ATP13A2: variants seen among roughly 807,000 people sequenced by gnomAD.
The protein encoded by ATP13A2 is polyamine-transporting ATPase 13A2.
In ATP13A2, 83 loss-of-function variants were observed where a neutral mutation model predicts 138.3. That is an observed-to-expected ratio of 0.60 (90% CI 0.50 to 0.72). ATP13A2 has a LOEUF of 0.72. Among genes scored for constraint, ATP13A2 ranks in the 30% least tolerant of loss-of-function variants. The pLI is 0.00. For missense variants in ATP13A2, 1,402 were observed against 1,606.4 expected (o/e 0.87, Z 2.17); for synonymous variants, 663 against 699.0 (o/e 0.95, Z 0.81).
chr1:16,990,014 A>T lies in ATP13A2; in HGVS notation c.2413-11T>A. ...AGCCTGGTCAGGATCCTGGGGGCCC[A>T]GGAAGCTCAGCTTAGCTCCCCCTGC... On this transcript the variant is annotated splice_polypyrimidine_tract_variant and intron_variant, in intron 21 of 28. Coordinates refer to ENST00000326735, the MANE Select transcript of ATP13A2 (RefSeq NM_022089.4). 6.2e-7 allele frequency: 1 copy of T among 1,612,798 alleles called. No individual in the cohort carries two copies. The highest frequency in any genetic ancestry group is 8.5e-7 in the Non-Finnish European group (1 of 1,179,422).
At chr1:16,987,568 C>A (rs1269879782) in intron 25 of ATP13A2, among the ~76,000 whole-genome samples, 1 of 152,222 alleles carries the variant, frequency 6.6e-6, no homozygotes, top group Non-Finnish European at 1.5e-5. Flanking sequence ...CTCTGCCTTG[C>A]GGAGTCCCTA....
chr1:16,992,967 G>A (rs982026290), intron 16 of ATP13A2, among the ~76,000 whole-genome samples: 2 of 152,218 alleles, frequency 1.3e-5, no homozygotes, highest in African/African-American at 4.8e-5. Context: ...CTAGGCTGGA[G>A]TGCAGTGGTG....
intron 12 of ATP13A2, among the ~76,000 whole-genome samples, 160 bp downstream of exon 12, chr1:16,996,860 C>A (rs964820965): frequency 6.9e-6 from 1 of 145,214 alleles, no homozygotes; most frequent in Non-Finnish European, 1.5e-5. Flanking sequence ...TGGGAATGCT[C>A]AGACCCCAGA....
In ATP13A2 at chr1:16,986,643, G is replaced by A; in HGVS notation, c.3236-11C>T. ...CCACCAGGAAGGGCACTGGGAGCAG[G>A]AGAGTCTCTCAGGCAGGAGCCACGC... On this transcript the variant is annotated splice_polypyrimidine_tract_variant and intron_variant, in intron 27 of 28. Transcript: ENST00000326735. This position sits in a 1 kb window ranked among gnomAD's most constrained non-coding sequence, Gnocchi z 6.9. 2 of 1,603,846 alleles carry A rather than the reference G, an allele frequency of 1.2e-6. No homozygotes were observed. The highest frequency in any genetic ancestry group is 2.2e-5 in the South Asian group (2 of 90,580).
Position 16,995,141 on chromosome 1 carries a change from A to G in ATP13A2, c.1542+835T>C, listed in dbSNP as rs1478334479. 1.3e-5 allele frequency among the ~76,000 whole-genome samples: 2 copies of G among 152,154 alleles called. No individual in the cohort carries two copies. Among genetic ancestry groups the G allele is most frequent in the South Asian group, 2.1e-4 (1 of 4,830 alleles). On this transcript the variant is annotated intron_variant, in intron 15 of 28. Transcript: ENST00000326735. The surrounding 1 kb of genome is among the most constrained non-coding windows in gnomAD (Gnocchi z 4.1). ...CCCAGGCACACGGTACATCTGTGCTATGACACTCCCACCTTTTACCCTTGC... is the reference window on the plus strand; with the variant it reads ...CCCAGGCACACGGTACATCTGTGCTGTGACACTCCCACCTTTTACCCTTGC...
At position 16,996,293 on chromosome 1, in the gene ATP13A2, G is replaced by T. The variant is rs764435162; in HGVS notation, c.1314C>A (p.Leu438=). ...GGATGAAGATGCTGTAGATGGTGCC[G>T]AGGAGAGCTGTGGGGACAGCGAAGG... is the stretch of plus-strand genomic sequence containing the variant. ...FVAALSVLAL[L]GTIYSIFILY... Residue 438 remains leucine, a synonymous_variant, in exon 14 of 29, where the codon CTC becomes CTA. Transcript: ENST00000326735. 2.5e-5 allele frequency: 40 copies of T among 1,614,088 alleles called. No individual in the cohort carries two copies. In the Middle Eastern group the frequency reaches 1.5e-3, roughly 60 times the overall value.
Position 16,986,234 on chromosome 1 carries a change from C to CCGGCGGGCAG in ATP13A2, c.3520_3529dup (p.Gly1177AlafsTer87). The stretch of plus-strand genomic sequence containing the variant: ...CGTGGGCCTGCACTACCTCAGGGGG[C>CCGGCGGGCAG]CGGCGGGCAGCGGCGGCCAGGGCTG... On this transcript the variant is annotated frameshift_variant, in exon 29 of 29. Coordinates refer to ENST00000326735, the MANE Select transcript of ATP13A2 (RefSeq NM_022089.4). LOFTEE classifies it high-confidence loss of function. The surrounding 1 kb of genome is among the most constrained non-coding windows in gnomAD (Gnocchi z 6.9). 1 of 1,611,568 alleles carries CCGGCGGGCAG rather than the reference C, an allele frequency of 6.2e-7. No homozygotes were observed. Among genetic ancestry groups the CCGGCGGGCAG allele is most frequent in the Non-Finnish European group, 8.5e-7 (1 of 1,179,282 alleles).
intron 1 of ATP13A2, among the ~76,000 whole-genome samples, chr1:17,007,533 C>A (rs1203175823): frequency 1.4e-5 from 2 of 147,094 alleles, no homozygotes; most frequent in African/African-American, 2.5e-5. Context: ...CCAATCTGAG[C>A]CCTTCTAAAA....
chr1:16,987,258 G>C lies in ATP13A2; in HGVS notation c.2871C>G (p.Asn957Lys), dbSNP rs1285805830. The change falls in exon 26 of 29, where the codon AAC becomes AAG. Residue 957 changes from asparagine to lysine, a missense_variant. Asn to Lys is a moderately conservative substitution (Grantham distance 94). Transcript: ENST00000326735. ...TGGCCAGGAACTGCAGGTCACCCAG[G>C]TTGGTGTTGATCTGCCACAGGGAAG... The part of the protein sequence containing the change: ...SVLILYTINT[N>K]LGDLQFLAID... 3 of 1,613,660 alleles carry C rather than the reference G, an allele frequency of 1.9e-6. No individual in the cohort carries two copies. In the African/African-American group the frequency reaches 4.0e-5, roughly 22 times the overall value.
chr1:17,004,516 G>T lies in ATP13A2; in HGVS notation c.478-105C>A. On this transcript the variant is annotated intron_variant, in intron 5 of 28. Coordinates refer to ENST00000326735, the MANE Select transcript of ATP13A2 (RefSeq NM_022089.4). This position sits in a 1 kb window ranked among gnomAD's most constrained non-coding sequence, Gnocchi z 4.1. ...ATGGGGGTAGGGGGCAGGGACTGGTGTCACCAGACAGAGAGGTGGGGAGAG... is the reference window on the plus strand; with the variant it reads ...ATGGGGGTAGGGGGCAGGGACTGGTTTCACCAGACAGAGAGGTGGGGAGAG... The T allele has an allele frequency of 6.5e-7, 1 of 1,532,654 alleles. No individual in the cohort carries two copies. The highest frequency in any genetic ancestry group is 8.9e-7 in the Non-Finnish European group (1 of 1,118,004). The allele number at this position is 1,532,654 out of a possible 1,614,324, so 94.9% of individuals were successfully genotyped here.
Position 16,993,798 on chromosome 1 carries a change from C to T in ATP13A2, c.1580G>A (p.Gly527Glu). ...TGCCTGCCCCTTCAGGGGCACCACCCCCATCACGTCTAAGCCGTCCTCAGT... is the reference window on the plus strand; with the variant it reads ...TGCCTGCCCCTTCAGGGGCACCACCTCCATCACGTCTAAGCCGTCCTCAGT... The part of the protein sequence containing the change: ...TLTEDGLDVM[G>E]VVPLKGQAFL... Residue 527 changes from glycine to glutamate, a missense_variant, in exon 16 of 29, where the codon GGG becomes GAG. Gly to Glu is a moderately conservative substitution (Grantham distance 98, BLOSUM62 -2). Transcript: ENST00000326735. 6.3e-7 allele frequency: 1 copy of T among 1,581,794 alleles called. No homozygotes were observed. The highest frequency in any genetic ancestry group is 1.2e-5 in the South Asian group (1 of 86,608).
chr1:16,992,943 T>G (rs2076988023), intron 16 of ATP13A2, among the ~76,000 whole-genome samples: 2 of 152,256 alleles, frequency 1.3e-5, no homozygotes, highest in South Asian at 4.1e-4. Context: ...TAAGACAGAG[T>G]CTTACTCTGT....
chr1:17,004,068 C>A lies in ATP13A2; in HGVS notation c.557+264G>T, dbSNP rs749588456. 6.6e-6 allele frequency among the ~76,000 whole-genome samples: 1 copy of A among 152,232 alleles called. No individual in the cohort carries two copies. The highest frequency in any genetic ancestry group is 1.5e-5 in the Non-Finnish European group (1 of 68,044). On this transcript the variant is annotated intron_variant, in intron 6 of 28. Transcript: ENST00000326735. This position sits in a 1 kb window ranked among gnomAD's most constrained non-coding sequence, Gnocchi z 4.1. Reference sequence around the variant, plus strand: ...AGTCTGATTCACAGTGGTGTCACAACCTCAGATCACATTCGGTGCCAAGCT... The same window carrying A: ...AGTCTGATTCACAGTGGTGTCACAAACTCAGATCACATTCGGTGCCAAGCT...
At chr1:17,007,923 C>A (rs2077624437) in intron 1 of ATP13A2, among the ~76,000 whole-genome samples, 1 of 152,104 alleles carries the variant, frequency 6.6e-6, no homozygotes, top group Admixed American at 6.6e-5. Flanking sequence ...CACCCCCAGC[C>A]TCTGAGCAGC....
At chr1:16,993,369 G>C (rs1345233319) in intron 16 of ATP13A2, among the ~76,000 whole-genome samples, 2 of 152,142 alleles carry the variant, frequency 1.3e-5, no homozygotes, top group Non-Finnish European at 2.9e-5. Flanking sequence ...CACCACGCCC[G>C]GCTAATTTTT....
rs1333031815 is a variant in ATP13A2, at chr1:16,986,670, C to T, written c.3236-38G>A. On this transcript the variant is annotated intron_variant, in intron 27 of 28. Transcript: ENST00000326735. The surrounding 1 kb of genome is among the most constrained non-coding windows in gnomAD (Gnocchi z 6.9). ...GAGTCTCTCAGGCAGGAGCCACGCCCCCCCGGCACCCACAGACACACGTGT... is the reference window on the plus strand; with the variant it reads ...GAGTCTCTCAGGCAGGAGCCACGCCTCCCCGGCACCCACAGACACACGTGT... 1.3e-6 allele frequency: 2 copies of T among 1,579,668 alleles called. No individual in the cohort carries two copies. The highest frequency in any genetic ancestry group is 2.0e-4 in the Middle Eastern group (1 of 4,898).
At chr1:16,998,502 GGCC>G (rs1219363923) in intron 11 of ATP13A2, among the ~76,000 whole-genome samples, 11 of 152,048 alleles carry the variant, frequency 7.2e-5, no homozygotes, top group African/African-American at 2.7e-4. Flanking sequence ...CACTGCGCCT[GGCC>G]TACGATTTGT....
rs1441813854 is a variant in ATP13A2, at chr1:17,004,977, C to T, written c.347+37G>A. 1 of 1,613,120 alleles carries T rather than the reference C, an allele frequency of 6.2e-7. No homozygotes were observed. Among genetic ancestry groups the T allele is most frequent in the Non-Finnish European group, 8.5e-7 (1 of 1,179,856 alleles). On this transcript the variant is annotated intron_variant, in intron 4 of 28. Transcript: ENST00000326735. The surrounding 1 kb of genome is among the most constrained non-coding windows in gnomAD (Gnocchi z 4.1). The stretch of plus-strand genomic sequence containing the variant: ...GGGGAAGTTGGGGAGGCCAGGGTAG[C>T]AGGGGCTTCTGGGAAGGGGCAATGG...
chr1:17,004,084 G>A lies in ATP13A2; in HGVS notation c.557+248C>T, dbSNP rs1181989491. On this transcript the variant is annotated intron_variant, in intron 6 of 28. Coordinates refer to ENST00000326735, the MANE Select transcript of ATP13A2 (RefSeq NM_022089.4). The surrounding 1 kb of genome is among the most constrained non-coding windows in gnomAD (Gnocchi z 4.1). ...GTGTCACAACCTCAGATCACATTCGGTGCCAAGCTCTACATAAATTATTAT... is the reference window on the plus strand; with the variant it reads ...GTGTCACAACCTCAGATCACATTCGATGCCAAGCTCTACATAAATTATTAT... Among the ~76,000 whole-genome samples, 1 of 152,200 alleles carries A rather than the reference G, an allele frequency of 6.6e-6. No individual in the cohort carries two copies. The highest frequency in any genetic ancestry group is 2.4e-5 in the African/African-American group (1 of 41,446).
Sources: gnomAD v4.1 joint callset for allele counts (sites outside exome capture counted in the v4.1 genomes callset) on GRCh38, gnomAD v4.1.1 for gene constraint, Gnocchi (gnomAD v3.1) non-coding constraint, MANE v1.5 for transcripts, NCBI Gene and HGNC (gene_info 2026-07-23, HGNC 2026-07-21) for gene names.